Variants in MYO3B observed in about 807,000 individuals in gnomAD.
The protein encoded by MYO3B is myosin-IIIb.
In MYO3B, 156 loss-of-function variants were observed where a neutral mutation model predicts 174.6. The observed-to-expected ratio is 0.89, with a 90% CI of 0.78 to 1.02. The LOEUF (loss-of-function observed/expected upper bound fraction) is 1.02, where lower values mean the gene tolerates loss of function less well. MYO3B is among the 50% of genes least tolerant of loss of function. The probability of loss-of-function intolerance (pLI) is 0.00; values close to 1 mark genes in which losing one functional copy is unlikely to be tolerated. For missense variants in MYO3B, 1,632 were observed against 1,639.4 expected, an observed-to-expected ratio of 1.00 and a Z score of 0.08; for synonymous variants, 563 against 569.1, an observed-to-expected ratio of 0.99 and a Z score of 0.15.
At chr2:170,628,432 A>G (rs1696653997) in intron 32 of MYO3B, among the ~76,000 whole-genome samples, 1 of 152,214 alleles carries the variant, frequency 6.6e-6, no homozygotes, top group South Asian at 2.1e-4. Flanking sequence ...CCGATTTTCC[A>G]GGTGCCATCT....
chr2:170,213,052 C>G (rs1358519676), intron 3 of MYO3B, among the ~76,000 whole-genome samples: 2 of 152,192 alleles, frequency 1.3e-5, no homozygotes, highest in African/African-American at 4.8e-5. Flanking sequence ...TTTCCATGCT[C>G]TGCTCAAAAC....
chr2:170,285,987 T>C (rs72889438), intron 7 of MYO3B, among the ~76,000 whole-genome samples: 3 of 152,206 alleles, frequency 2.0e-5, no homozygotes, highest in Admixed American at 6.5e-5. Context: ...TCATGTCATG[T>C]CTACCATATA....
chr2:170,366,712 A>T (rs1574857836), intron 8 of MYO3B, among the ~76,000 whole-genome samples: 1 of 152,176 alleles, frequency 6.6e-6, no homozygotes, highest in South Asian at 2.1e-4. Flanking sequence ...CTCTGACTTC[A>T]TTATTCATTC....
At chr2:170,207,170 A>C (rs2092721636) in intron 3 of MYO3B, among the ~76,000 whole-genome samples, 1 of 152,060 alleles carries the variant, frequency 6.6e-6, no homozygotes, top group Non-Finnish European at 1.5e-5. Flanking sequence ...ACCCGCTTAC[A>C]CAGACACCCC....
chr2:170,461,286 C>T (rs939006444), intron 23 of MYO3B, among the ~76,000 whole-genome samples: 10 of 151,016 alleles, frequency 6.6e-5, no homozygotes, highest in South Asian at 4.2e-4. Context: ...ACCAGCCTGA[C>T]CAACATGGAG....
intron 25 of MYO3B, among the ~76,000 whole-genome samples, chr2:170,479,396 TATATA>T (rs1325552091): frequency 4.1e-5 from 6 of 146,608 alleles, no homozygotes; most frequent in South Asian, 4.2e-4. Context: ...ATAATTATAT[TATATA>T]TCTATTATAT....
At chr2:170,651,767 T>C (rs750230473) in intron 33 of MYO3B, 33 bp downstream of exon 33, 95 of 1,559,754 alleles carry the variant, frequency 6.1e-5, no homozygotes, top group Non-Finnish European at 8.2e-5. Context: ...GCTGTTTCAC[T>C]GGCTTTGTTT....
In MYO3B at chr2:170,473,862, A is replaced by G. The variant is rs543870959; in HGVS notation, c.3014+7151A>G. On this transcript the variant is annotated intron_variant, in intron 25 of 34. Transcript: ENST00000408978. ...CCCCATCTCTCAGCTCGTACTCCAG[A>G]AAAAAAGAAACCACTTGGAGCTTCC... is the stretch of plus-strand genomic sequence containing the variant. 2.4e-4 allele frequency among the ~76,000 whole-genome samples: 36 copies of G among 152,268 alleles called. 1 individual carries two copies. Among genetic ancestry groups the G allele is most frequent in the Non-Finnish European group, 3.2e-4 (22 of 68,020 alleles).
chr2:170,273,753 T>A lies in MYO3B; in HGVS notation c.749+37617T>A, dbSNP rs1275934460. Reference sequence around the variant, plus strand: ...AACCCGTCAAGCAGGATTGGACTCGTGTAATTATCACATAAAGTTGGTCTA... The same window carrying A: ...AACCCGTCAAGCAGGATTGGACTCGAGTAATTATCACATAAAGTTGGTCTA... On this transcript the variant is annotated intron_variant, in intron 7 of 34. Coordinates refer to ENST00000408978, the MANE Select transcript of MYO3B (RefSeq NM_138995.5). Among the ~76,000 whole-genome samples the A allele has an allele frequency of 9.2e-5, 14 of 152,274 alleles. No homozygotes were observed. The East Asian group carries it at 1.7e-3, about 19-fold the overall frequency.
chr2:170,274,697 C>G (rs1370416655), intron 7 of MYO3B, among the ~76,000 whole-genome samples: 1 of 152,068 alleles, frequency 6.6e-6, no homozygotes, highest in Non-Finnish European at 1.5e-5. Flanking sequence ...TTCCATGACT[C>G]TATGTGCTTA....
At chr2:170,561,255 C>T (rs943530417) in intron 32 of MYO3B, among the ~76,000 whole-genome samples, 14 of 152,142 alleles carry the variant, frequency 9.2e-5, no homozygotes, top group African/African-American at 3.4e-4. Flanking sequence ...CATCTACCAC[C>T]CTGAGCAAAT....
At chr2:170,365,354 A>G (rs1327988327) in intron 8 of MYO3B, among the ~76,000 whole-genome samples, 3 of 152,192 alleles carry the variant, frequency 2.0e-5, no homozygotes, top group Non-Finnish European at 2.9e-5. Context: ...AAGCAAACAT[A>G]TGGCTTTTGC....
intron 32 of MYO3B, among the ~76,000 whole-genome samples, chr2:170,576,792 C>CG (rs1692815252): frequency 1.3e-5 from 2 of 152,198 alleles, no homozygotes; most frequent in African/African-American, 2.4e-5. Flanking sequence ...GCAGGGACCT[C>CG]AGCTTGTTGA....
intron 22 of MYO3B, among the ~76,000 whole-genome samples, chr2:170,408,779 G>A (rs1454365893): frequency 1.6e-5 from 2 of 125,092 alleles, no homozygotes; most frequent in South Asian, 2.7e-4. Flanking sequence ...AAAAGCCACA[G>A]TCTACAGCCT....
At position 170,446,007 on chromosome 2, in the gene MYO3B, A is replaced by C. The variant is rs560407599; in HGVS notation, c.2730+1961A>C. ...ACCAATGGAAAAATCACAAAAATGC[A>C]AAAAAAAAATGTGGTACTTAAACAG... On this transcript the variant is annotated intron_variant, in intron 23 of 34. Coordinates refer to ENST00000408978, the MANE Select transcript of MYO3B (RefSeq NM_138995.5). Among the ~76,000 whole-genome samples the C allele has an allele frequency of 4.9e-5, 7 of 142,670 alleles. No homozygotes were observed. The East Asian group carries it at 5.9e-4, about 12-fold the overall frequency. The allele number at this position is 142,670 out of a possible 152,430, so 93.6% of individuals were successfully genotyped here. A position where few individuals can be genotyped will look rare whatever the true frequency, so the allele number is the denominator to read the frequency against.
At chr2:170,237,671 C>T (rs1362586028) in intron 7 of MYO3B, among the ~76,000 whole-genome samples, 1 of 152,216 alleles carries the variant, frequency 6.6e-6, no homozygotes, top group African/African-American at 2.4e-5. Flanking sequence ...TTGGGAGAAG[C>T]CTCCAGATCT....
intron 6 of MYO3B, among the ~76,000 whole-genome samples, chr2:170,221,040 A>G (rs2092893454): frequency 6.6e-6 from 1 of 152,192 alleles, no homozygotes; most frequent in Admixed American, 6.5e-5. Context: ...TTTCAATTCA[A>G]TTCAACAAGC....
At chr2:170,503,096 ATC>A (rs991563070) in intron 28 of MYO3B, among the ~76,000 whole-genome samples, 27 of 152,268 alleles carry the variant, frequency 1.8e-4, no homozygotes, top group Admixed American at 1.6e-3. Context: ...CACGCACACA[ATC>A]TCTCATTAAA....
chr2:170,459,815 C>T (rs774400904), intron 23 of MYO3B, among the ~76,000 whole-genome samples: 6 of 152,116 alleles, frequency 3.9e-5, no homozygotes, highest in African/African-American at 7.2e-5. Context: ...AGAATTTGAG[C>T]GTGGTGTGGG....
Sources: allele counts gnomAD v4.1 joint callset (sites outside exome capture counted in the v4.1 genomes callset), GRCh38; gene constraint gnomAD v4.1.1; transcripts MANE v1.5; gene names NCBI Gene and HGNC (gene_info 2026-07-23, HGNC 2026-07-21).